GATAD2B: variants seen among roughly 807,000 people sequenced by gnomAD.
GATAD2B encodes transcriptional repressor p66-beta.
Under a neutral mutation model 64.3 loss-of-function variants are expected in GATAD2B, and 8 were observed. The observed-to-expected ratio is 0.12, with a 90% CI of 0.07 to 0.22. GATAD2B has a LOEUF of 0.22. Ranked by LOEUF, GATAD2B falls within the 10% of genes least tolerant of loss-of-function variation. The probability of loss-of-function intolerance (pLI) is 1.00; values close to 1 mark genes in which losing one functional copy is unlikely to be tolerated. For missense variants in GATAD2B, 453 were observed against 752.0 expected, an observed-to-expected ratio of 0.60 and a Z score of 4.65; for synonymous variants, 281 against 271.3, an observed-to-expected ratio of 1.04 and a Z score of -0.35.
intron 1 of GATAD2B, among the ~76,000 whole-genome samples, chr1:153,887,314 T>A (rs1390604590): frequency 1.3e-5 from 2 of 152,184 alleles, no homozygotes; most frequent in Non-Finnish European, 2.9e-5. Context: ...CAACCTAATG[T>A]GCACTGCTGA....
intron 1 of GATAD2B, among the ~76,000 whole-genome samples, chr1:153,874,803 C>T (rs1268792625): frequency 6.6e-6 from 1 of 151,906 alleles, no homozygotes; most frequent in Admixed American, 6.6e-5. Flanking sequence ...TCTTGAACTC[C>T]AGACATCAGG....
intron 2 of GATAD2B, among the ~76,000 whole-genome samples, chr1:153,822,751 C>A (rs560461730): frequency 1.3e-5 from 2 of 152,292 alleles, no homozygotes; most frequent in East Asian, 3.9e-4. Context: ...CCCGCCTCAG[C>A]CTCCCAAAGA....
chr1:153,806,294 T>C lies in GATAD2B; in HGVS notation c.*3883A>G, dbSNP rs962203157. 1 of 151,154 alleles carries C rather than the reference T, an allele frequency of 6.6e-6. No individual in the cohort carries two copies. Among genetic ancestry groups the C allele is most frequent in the African/African-American group, 2.4e-5 (1 of 40,980 alleles). 9.4% of individuals were successfully genotyped at this position (151,154 alleles called of 1,614,324 possible). The stretch of plus-strand genomic sequence containing the variant: ...TGGGGGATAGGGAGGGTGGGCAGGT[T>C]AGGGTAGGGAGTGGGCTCTGCCAAG... On this transcript the variant is annotated 3_prime_UTR_variant, in exon 11 of 11. Transcript: ENST00000368655.
chr1:153,837,017 C>T (rs936124711), intron 1 of GATAD2B, among the ~76,000 whole-genome samples: 3 of 152,290 alleles, frequency 2.0e-5, no homozygotes, highest in Non-Finnish European at 4.4e-5. Flanking sequence ...AATCTATCCA[C>T]GGCTACTCTT....
chr1:153,901,799 G>C (rs1303040382), intron 1 of GATAD2B, among the ~76,000 whole-genome samples: 1 of 151,088 alleles, frequency 6.6e-6, no homozygotes, highest in African/African-American at 2.4e-5. Flanking sequence ...ACTCCAGCCT[G>C]GGAGACAGAG....
intron 1 of GATAD2B, among the ~76,000 whole-genome samples, chr1:153,833,958 G>A (rs1299534289): frequency 1.3e-5 from 2 of 151,816 alleles, no homozygotes; most frequent in African/African-American, 2.4e-5. Context: ...GGGCAACACA[G>A]TAAGACCCTG....
At chr1:153,892,480 ACT>A (rs1677447389) in intron 1 of GATAD2B, among the ~76,000 whole-genome samples, 8 of 152,104 alleles carry the variant, frequency 5.3e-5, no homozygotes, top group Admixed American at 5.2e-4. Flanking sequence ...CTCACCTAGA[ACT>A]CTCTAGACTG....
chr1:153,811,139 G>A (rs907829284), intron 10 of GATAD2B, among the ~76,000 whole-genome samples: 1 of 152,176 alleles, frequency 6.6e-6, no homozygotes, highest in Non-Finnish European at 1.5e-5. Context: ...GATCTCAAGT[G>A]ATTCGCCTGC....
At chr1:153,811,404 AG>A (rs1674287524) in intron 10 of GATAD2B, among the ~76,000 whole-genome samples, 1 of 152,214 alleles carries the variant, frequency 6.6e-6, no homozygotes, top group Non-Finnish European at 1.5e-5. Flanking sequence ...ATTGTGCAGA[AG>A]CATCCCTGGA....
intron 4 of GATAD2B, 122 bp from the exon 5 acceptor site, chr1:153,818,293 GA>G: frequency 1.7e-6 from 1 of 601,032 alleles, no homozygotes; most frequent in Non-Finnish European, 2.7e-6. Flanking sequence ...GGAAAAACCA[GA>G]AAAAGGGAGT....
intron 8 of GATAD2B, 56 bp from the exon 9 acceptor site, chr1:153,812,188 T>TA: frequency 1.2e-6 from 1 of 866,612 alleles, no homozygotes; most frequent in Non-Finnish European, 1.7e-6. Flanking sequence ...ATACCCAATT[T>TA]CCTTTTTTTT....
chr1:153,875,464 C>A (rs971364113), intron 1 of GATAD2B, among the ~76,000 whole-genome samples: 1 of 152,106 alleles, frequency 6.6e-6, no homozygotes, highest in Non-Finnish European at 1.5e-5. Context: ...GCAGGTTAGA[C>A]AAGCTTGATC....
intron 1 of GATAD2B, chr1:153,853,140 T>C (rs1406082282): frequency 1.4e-6 from 2 of 1,429,560 alleles, no homozygotes; most frequent in Non-Finnish European, 2.0e-6. Flanking sequence ...CAGTCTCTCC[T>C]CAATCCTGTC....
rs553602363 is a variant in GATAD2B, at chr1:153,922,127, G to A, written c.-2+606C>T. On this transcript the variant is annotated intron_variant, in intron 1 of 10. Coordinates refer to ENST00000368655, the MANE Select transcript of GATAD2B (RefSeq NM_020699.4). ...GCGAACGGTGGACGACGAAATAAAG[G>A]GGTAAGGTTATGCGCTCCTGATCCC... 3 of 152,132 alleles carry A rather than the reference G, an allele frequency of 2.0e-5. 1 individual carries two copies. The South Asian group carries it at 6.2e-4, about 32-fold the overall frequency. 9.4% of individuals were successfully genotyped at this position (152,132 alleles called of 1,614,324 possible). A position where few individuals can be genotyped will look rare whatever the true frequency, so the allele number is the denominator to read the frequency against.
intron 1 of GATAD2B, among the ~76,000 whole-genome samples, chr1:153,878,401 C>T (rs1186185274): frequency 2.6e-5 from 4 of 152,034 alleles, no homozygotes; most frequent in Admixed American, 6.6e-5. Flanking sequence ...GCTGGGATTA[C>T]GGCTGTGAGC....
At chr1:153,873,735 G>A (rs1676740561) in intron 1 of GATAD2B, among the ~76,000 whole-genome samples, 1 of 152,184 alleles carries the variant, frequency 6.6e-6, no homozygotes, top group African/African-American at 2.4e-5. Flanking sequence ...CTTGAGTACA[G>A]GAGCTCCACT....
rs182105143 is a variant in GATAD2B at position 153,901,095 on chromosome 1, T to A, written c.-2+21638A>T. Among the ~76,000 whole-genome samples, 283 of 151,648 alleles carry A rather than the reference T, an allele frequency of 1.9e-3. 2 individuals are homozygous for A. Among genetic ancestry groups the A allele is most frequent in the African/African-American group, 6.5e-3 (267 of 41,340 alleles). Reference sequence around the variant, plus strand: ...CAGGTGTGGTGGCCTGTGCCTGTAATCCAAGCTACTCAGGAGGCTGAGGCA... The same window carrying A: ...CAGGTGTGGTGGCCTGTGCCTGTAAACCAAGCTACTCAGGAGGCTGAGGCA... On this transcript the variant is annotated intron_variant, in intron 1 of 10. Coordinates refer to ENST00000368655, the MANE Select transcript of GATAD2B (RefSeq NM_020699.4).
At chr1:153,861,527 C>T (rs1424671286) in intron 1 of GATAD2B, among the ~76,000 whole-genome samples, 2 of 151,040 alleles carry the variant, frequency 1.3e-5, no homozygotes, top group Admixed American at 6.6e-5. Flanking sequence ...GTGGCTCATG[C>T]CTGTAATCTC....
chr1:153,896,913 A>G (rs930858496), intron 1 of GATAD2B, among the ~76,000 whole-genome samples: 2 of 152,230 alleles, frequency 1.3e-5, no homozygotes, highest in Non-Finnish European at 2.9e-5. Context: ...CCAAGGCAAC[A>G]TTAGTAAGAC....
Sources: gnomAD v4.1 joint callset for allele counts (sites outside exome capture counted in the v4.1 genomes callset) on GRCh38, gnomAD v4.1.1 for gene constraint, MANE v1.5 for transcripts, NCBI Gene and HGNC (gene_info 2026-07-23, HGNC 2026-07-21) for gene names.